Variants in DNAH14 observed in about 807,000 individuals in gnomAD.
DNAH14 encodes the protein axonemal beta dynein heavy chain 14.
DNAH14 carries 478 observed loss-of-function variants against 520.9 expected under a neutral mutation model. That is an observed-to-expected ratio of 0.92 (90% CI 0.85 to 0.99). The LOEUF (loss-of-function observed/expected upper bound fraction) is 0.99. Among genes scored for constraint, DNAH14 ranks in the 50% least tolerant of loss-of-function variants. The pLI is 0.00. For synonymous variants in DNAH14, 1,581 were observed against 1,757.2 expected, an observed-to-expected ratio of 0.90 and a Z score of 2.51; for missense variants, 4,831 against 5,234.5, an observed-to-expected ratio of 0.92 and a Z score of 2.38.
At chr1:224,979,694 C>T (rs2062125082) in intron 8 of DNAH14, among the ~76,000 whole-genome samples, 2 of 152,290 alleles carry the variant, frequency 1.3e-5, no homozygotes, top group African/African-American at 2.4e-5. Context: ...TCCGCTAACC[C>T]CAGGCAGCAC....
At chr1:224,991,391 C>T (rs1300875581) in intron 8 of DNAH14, among the ~76,000 whole-genome samples, 1 of 151,786 alleles carries the variant, frequency 6.6e-6, no homozygotes, top group African/African-American at 2.4e-5. Flanking sequence ...AGGCGCCCGG[C>T]TGAGCATTTT....
intron 77 of DNAH14, among the ~76,000 whole-genome samples, chr1:225,373,956 T>C (rs2095652587): frequency 6.7e-6 from 1 of 150,016 alleles, no homozygotes; most frequent in African/African-American, 2.5e-5. Flanking sequence ...GGAAAGCCCA[T>C]CTCTACAAAA....
Position 225,038,802 on chromosome 1 carries a change from AACAG to A in DNAH14, c.1471_1474del (p.Asp491LeufsTer7). On this transcript the variant is annotated frameshift_variant, in exon 12 of 86. Coordinates refer to ENST00000682510, the MANE Select transcript of DNAH14 (RefSeq NM_001367479.1). LOFTEE classifies it high-confidence loss of function. ...TTTCTGTTCAAAAGTCAGAAGTAAAAACAGACACTGATATTAATGAGGTAAAATG... is the reference window on the plus strand; with the variant it reads ...TTTCTGTTCAAAAGTCAGAAGTAAAAACACTGATATTAATGAGGTAAAATG... 6.6e-7 allele frequency: 1 copy of A among 1,505,682 alleles called. No homozygotes were observed. The highest frequency in any genetic ancestry group is 8.9e-7 in the Non-Finnish European group (1 of 1,129,794). 93.3% of individuals were successfully genotyped at this position (1,505,682 alleles called of 1,614,324 possible).
chr1:225,391,284 G>C (rs188106356), intron 83 of DNAH14, among the ~76,000 whole-genome samples: 3 of 152,106 alleles, frequency 2.0e-5, no homozygotes, highest in African/African-American at 7.2e-5. Flanking sequence ...CATTGGAGAA[G>C]AACAAGACTG....
chr1:225,252,393 A>C lies in DNAH14; in HGVS notation c.6841A>C (p.Asn2281His). Reference sequence around the variant, plus strand: ...CATACCTTGGTCAGATTTAGTTCCTAATGATCAGACACTAATTCAAAGAGG... The same window carrying C: ...CATACCTTGGTCAGATTTAGTTCCTCATGATCAGACACTAATTCAAAGAGG... ...EFIPWSDLVP[N>H]DQTLIQRGTS... is the part of the protein sequence containing the mutation. Residue 2281 changes from asparagine (N) to histidine (H), a missense_variant, in exon 44 of 86, where the codon AAT (asparagine) becomes CAT (histidine). By Grantham distance (68) the Asn-to-His change is moderately conservative. Transcript: ENST00000682510. 6.5e-7 allele frequency: 1 copy of C among 1,533,776 alleles called. No homozygotes were observed. The highest frequency in any genetic ancestry group is 1.2e-5 in the South Asian group (1 of 83,214).
chr1:225,310,146 A>G (rs184977138), intron 60 of DNAH14, among the ~76,000 whole-genome samples: 1 of 152,090 alleles, frequency 6.6e-6, no homozygotes, highest in East Asian at 1.9e-4. Flanking sequence ...AGAGAAATTC[A>G]TGGCGTTTGT....
chr1:225,029,759 A>G (rs1253880053), intron 11 of DNAH14, among the ~76,000 whole-genome samples: 1 of 152,010 alleles, frequency 6.6e-6, no homozygotes, highest in African/African-American at 2.4e-5. Flanking sequence ...CATATACCCT[A>G]CAGAACAAGA....
At chr1:225,283,451 A>G (rs2093669759) in intron 54 of DNAH14, among the ~76,000 whole-genome samples, 1 of 152,060 alleles carries the variant, frequency 6.6e-6, no homozygotes. Context: ...GAAAAAAAAA[A>G]AAGACATGCT....
rs2095674665 is a variant in DNAH14, at chr1:225,374,755, A to G, written c.12386A>G (p.Tyr4129Cys). 1 of 1,551,490 alleles carries G rather than the reference A, an allele frequency of 6.4e-7. No homozygotes were observed. Among genetic ancestry groups the G allele is most frequent in the Non-Finnish European group, 8.7e-7 (1 of 1,146,966 alleles). The stretch of plus-strand genomic sequence containing the variant: ...AGCATTTCGTGGCAAGCACTGCGCT[A>G]CCTGATTGGAGAAGTGATTTACGGT... ...QPSISWQALR[Y>C]LIGEVIYGGR... The change falls in exon 78 of 86, where the codon TAC (tyrosine) becomes TGC (cysteine). Residue 4129 changes from tyrosine (Y) to cysteine (C), a missense_variant. Transcript: ENST00000682510.
intron 36 of DNAH14, among the ~76,000 whole-genome samples, chr1:225,173,580 G>A (rs1325582318): frequency 1.3e-5 from 2 of 152,194 alleles, no homozygotes; most frequent in Admixed American, 6.5e-5. Context: ...ACACCAGTTA[G>A]AATGGTGATC....
chr1:225,246,684 AT>A (rs2092301515), intron 43 of DNAH14, among the ~76,000 whole-genome samples: 1 of 152,244 alleles, frequency 6.6e-6, no homozygotes, highest in African/African-American at 2.4e-5. Context: ...ATGAGATGCC[AT>A]CTCACTCCAA....
intron 1 of DNAH14, 34 bp from the exon 2 acceptor site, chr1:224,952,636 T>A (rs2060251855): frequency 8.4e-7 from 1 of 1,186,164 alleles, no homozygotes. Context: ...GATTGTATTG[T>A]ATATTAAATA....
chr1:225,086,982 AAAG>A (rs1372952428), intron 21 of DNAH14, among the ~76,000 whole-genome samples: 6 of 133,196 alleles, frequency 4.5e-5, no homozygotes, highest in Non-Finnish European at 6.3e-5. Context: ...AAGAAGCTGA[AAAG>A]AACACCACAC....
chr1:225,364,683 T>C (rs1030824992), intron 75 of DNAH14, 109 bp from the exon 76 acceptor site: 13 of 712,176 alleles, frequency 1.8e-5, no homozygotes. Flanking sequence ...AGATCTTCAG[T>C]ATTAAAATGA....
intron 8 of DNAH14, among the ~76,000 whole-genome samples, chr1:224,989,297 T>G (rs1024710952): frequency 2.6e-5 from 4 of 152,186 alleles, no homozygotes; most frequent in African/African-American, 9.6e-5. Context: ...AATGTTTTGT[T>G]AGATTTATGT....
chr1:225,177,109 G>A (rs908417445), intron 36 of DNAH14, among the ~76,000 whole-genome samples: 1 of 152,148 alleles, frequency 6.6e-6, no homozygotes, highest in African/African-American at 2.4e-5. Flanking sequence ...TCCAGGCTGA[G>A]GTATTTTCAA....
At chr1:225,183,481 AT>A (rs901602710) in intron 36 of DNAH14, among the ~76,000 whole-genome samples, 3 of 152,198 alleles carry the variant, frequency 2.0e-5, no homozygotes, top group African/African-American at 7.2e-5. Context: ...CAAATTAGCA[AT>A]CTAGCATTGC....
chr1:225,036,811 GA>G (rs2067007706), intron 11 of DNAH14, among the ~76,000 whole-genome samples: 1 of 151,936 alleles, frequency 6.6e-6, no homozygotes, highest in Non-Finnish European at 1.5e-5. Context: ...CATAAGGCTA[GA>G]AAGGGAGCTG....
chr1:225,323,126 G>A (rs914792118), intron 62 of DNAH14, among the ~76,000 whole-genome samples: 9 of 152,156 alleles, frequency 5.9e-5, no homozygotes, highest in African/African-American at 2.2e-4. Context: ...CACAGCTAAG[G>A]TAGAGAACAT....
Sources: allele counts gnomAD v4.1 joint callset (sites outside exome capture counted in the v4.1 genomes callset), GRCh38; gene constraint gnomAD v4.1.1; transcripts MANE v1.5; gene names NCBI Gene and HGNC (gene_info 2026-07-23, HGNC 2026-07-21).